Variants in AFG1L observed in about 807,000 individuals in gnomAD.
AFG1L encodes AFG1 like ATPase, also known as AFG1-like ATPase.
In AFG1L, 53 loss-of-function variants were observed where a neutral mutation model predicts 62.2. The ratio of observed to expected loss-of-function variants is 0.85; its 90% confidence interval spans 0.68 to 1.07. The LOEUF (loss-of-function observed/expected upper bound fraction) is 1.07. Among genes scored for constraint, AFG1L ranks in the 50% least tolerant of loss-of-function variants. AFG1L has a pLI of 0.00. For missense variants in AFG1L, 555 were observed against 590.5 expected (o/e 0.94, Z 0.62); for synonymous variants, 228 against 210.3 (o/e 1.08, Z -0.73).
At chr6:108,517,394 A>C (rs1280912059) in intron 11 of AFG1L, among the ~76,000 whole-genome samples, 3 of 152,258 alleles carry the variant, frequency 2.0e-5, no homozygotes, top group South Asian at 4.1e-4. Flanking sequence ...CAAAAACAAG[A>C]AATGGGGAAA....
Position 108,417,309 on chromosome 6 carries a change from A to G in AFG1L, c.807+15255A>G, listed in dbSNP as rs186349120. Among the ~76,000 whole-genome samples the G allele has an allele frequency of 2.0e-3, 304 of 151,908 alleles. 2 individuals are homozygous for G. The highest frequency in any genetic ancestry group is 6.6e-3 in the African/African-American group (275 of 41,464). ...ACACAAAAAAAAAACGGGGAAAAAA[A>G]GAAAAAGAAAAGGGGCCCTGACCCA... On this transcript the variant is annotated intron_variant, in intron 7 of 12. Transcript: ENST00000368977.
At chr6:108,504,762 G>A (rs1352100621) in intron 10 of AFG1L, among the ~76,000 whole-genome samples, 1 of 152,208 alleles carries the variant, frequency 6.6e-6, no homozygotes, top group Non-Finnish European at 1.5e-5. Flanking sequence ...CTATCTGTGT[G>A]CCCAGAAAGA....
At chr6:108,416,084 A>G (rs1334874715) in intron 7 of AFG1L, among the ~76,000 whole-genome samples, 1 of 152,208 alleles carries the variant, frequency 6.6e-6, no homozygotes, top group East Asian at 1.9e-4. Flanking sequence ...AGAAAAAGTC[A>G]AACAACCCCA....
intron 12 of AFG1L, 194 bp from the exon 13 acceptor site, chr6:108,522,103 T>C (rs1326209994): frequency 2.6e-6 from 1 of 382,964 alleles, no homozygotes; most frequent in African/African-American, 2.1e-5. Context: ...GATAATTTGA[T>C]GTGTTTACTG....
intron 1 of AFG1L, among the ~76,000 whole-genome samples, chr6:108,322,080 T>C (rs933636222): frequency 1.3e-5 from 2 of 152,102 alleles, no homozygotes; most frequent in Non-Finnish European, 2.9e-5. Context: ...TTTAAATTTG[T>C]TATTTTTAGT....
chr6:108,494,073 C>T (rs539727565), intron 10 of AFG1L, among the ~76,000 whole-genome samples: 2 of 152,166 alleles, frequency 1.3e-5, no homozygotes, highest in Admixed American at 6.5e-5. Flanking sequence ...CCGCCCGTCT[C>T]GGCCTCCCAA....
chr6:108,317,254 C>T (rs149078180), intron 1 of AFG1L, among the ~76,000 whole-genome samples: 106 of 152,240 alleles, frequency 7.0e-4, no homozygotes, highest in Admixed American at 1.9e-3. Context: ...CAAGGCAGTC[C>T]CACACAGGAG....
Position 108,323,853 on chromosome 6 carries a change from G to GA in AFG1L, c.169dup (p.Thr57AsnfsTer24), listed in dbSNP as rs1777918564. 6.2e-7 allele frequency: 1 copy of GA among 1,614,126 alleles called. No homozygotes were observed. Among genetic ancestry groups the GA allele is most frequent in the Non-Finnish European group, 8.5e-7 (1 of 1,180,002 alleles). ...ATACGGTTCAGACATCCGAGAGCATGACCCCAACTGCCACTTCAGAGACTT... is the reference window on the plus strand; with the variant it reads ...ATACGGTTCAGACATCCGAGAGCATGAACCCCAACTGCCACTTCAGAGACTT... On this transcript the variant is annotated frameshift_variant, in exon 2 of 13. Transcript: ENST00000368977. LOFTEE classifies it high-confidence loss of function.
intron 1 of AFG1L, among the ~76,000 whole-genome samples, chr6:108,309,595 A>G (rs1037817752): frequency 1.3e-5 from 2 of 152,178 alleles, no homozygotes; most frequent in East Asian, 1.9e-4. Context: ...TGATTCTGCT[A>G]TTGGAAAACT....
At chr6:108,455,318 C>A (rs1290146584) in intron 8 of AFG1L, among the ~76,000 whole-genome samples, 1 of 152,128 alleles carries the variant, frequency 6.6e-6, no homozygotes, top group East Asian at 1.9e-4. Flanking sequence ...TAGAACTATT[C>A]TCTTCACATG....
chr6:108,330,187 T>TTA (rs1554270738), intron 2 of AFG1L, among the ~76,000 whole-genome samples: 21 of 146,310 alleles, frequency 1.4e-4, no homozygotes, highest in Non-Finnish European at 3.0e-4. Context: ...TTTTTATTTT[T>TTA]TTTTTTTTTT....
intron 8 of AFG1L, among the ~76,000 whole-genome samples, chr6:108,447,665 T>C (rs1181685034): frequency 1.3e-5 from 2 of 152,210 alleles, no homozygotes; most frequent in Non-Finnish European, 2.9e-5. Context: ...CCCAAAATTG[T>C]TGTTTTATTT....
chr6:108,427,907 A>G (rs560280043), intron 7 of AFG1L, among the ~76,000 whole-genome samples: 3 of 152,322 alleles, frequency 2.0e-5, no homozygotes, highest in East Asian at 3.9e-4. Context: ...GTATTAGCTA[A>G]CATTAAAAAT....
At chr6:108,437,469 GT>G (rs1382439924) in intron 7 of AFG1L, among the ~76,000 whole-genome samples, 1 of 152,120 alleles carries the variant, frequency 6.6e-6, no homozygotes, top group African/African-American at 2.4e-5. Context: ...TTAAGAGGCA[GT>G]CCCACTGTCT....
intron 1 of AFG1L, among the ~76,000 whole-genome samples, chr6:108,304,467 G>A (rs1777130424): frequency 6.6e-6 from 1 of 152,134 alleles, no homozygotes; most frequent in Non-Finnish European, 1.5e-5. Flanking sequence ...GAACATTTCT[G>A]GTCAGTGGCC....
intron 10 of AFG1L, among the ~76,000 whole-genome samples, chr6:108,498,481 G>T (rs762698214): frequency 1.6e-3 from 242 of 152,236 alleles, no homozygotes; most frequent in Non-Finnish European, 2.2e-3. Flanking sequence ...GGGAACAAAA[G>T]GGTGAGTGGC....
chr6:108,356,597 T>C (rs1248329880), intron 4 of AFG1L, 93 bp from the exon 5 acceptor site: 11 of 805,024 alleles, frequency 1.4e-5, no homozygotes, highest in Non-Finnish European at 1.8e-5. Context: ...TTTATGTCCA[T>C]ACTAAAGTTT....
intron 6 of AFG1L, among the ~76,000 whole-genome samples, chr6:108,400,801 A>T (rs1781554490): frequency 8.2e-6 from 1 of 122,174 alleles, no homozygotes; most frequent in African/African-American, 3.3e-5. Flanking sequence ...ATTATATAAT[A>T]TATAATAAAT....
intron 1 of AFG1L, among the ~76,000 whole-genome samples, chr6:108,300,829 C>T (rs779939952): frequency 1.3e-4 from 20 of 152,112 alleles, no homozygotes; most frequent in African/African-American, 4.3e-4. Flanking sequence ...CACGCCATCA[C>T]GCCTGGCTAA....
Sources: allele counts gnomAD v4.1 joint callset (sites outside exome capture counted in the v4.1 genomes callset), GRCh38; gene constraint gnomAD v4.1.1; transcripts MANE v1.5; gene names NCBI Gene and HGNC (gene_info 2026-07-23, HGNC 2026-07-21).